The following CTSO variants were observed in gnomAD, a reference collection of about 807,000 sequenced individuals.
The protein encoded by CTSO is cathepsin O.
In CTSO, 40 loss-of-function variants were observed where a neutral mutation model predicts 42.4. The ratio of observed to expected loss-of-function variants is 0.94; its 90% CI spans 0.73 to 1.23. The LOEUF (loss-of-function observed/expected upper bound fraction) is 1.23, where lower values mean the gene tolerates loss of function less well. Among genes scored for constraint, CTSO ranks in the 50% most tolerant of loss-of-function variants. The pLI is 0.00. For missense variants in CTSO, 441 were observed against 396.0 expected, an observed-to-expected ratio of 1.11 and a Z score of -0.96; for synonymous variants, 156 against 146.2, an observed-to-expected ratio of 1.07 and a Z score of -0.48.
intron 1 of CTSO, among the ~76,000 whole-genome samples, chr4:155,947,761 T>C (rs1280620719): frequency 2.0e-5 from 3 of 152,186 alleles, no homozygotes; most frequent in Non-Finnish European, 4.4e-5. Context: ...TGCTGCTCAT[T>C]ACATCCAACA....
chr4:155,942,418 A>G lies in CTSO; in HGVS notation c.283T>C (p.Tyr95His). Residue 95 changes from tyrosine (Y) to histidine (H), a missense_variant, in exon 3 of 8, where the codon TAC becomes CAC. Tyr to His is a moderately conservative substitution (Grantham distance 83). Transcript: ENST00000433477. ...LRSKPSKFPR[Y>H]SAEVHMSIPN... ...ATGGACATATGTACTTCTGCTGAGT[A>G]TCTGGGAAACTTGGAAGGTTTGCTT... 6.4e-7 allele frequency: 1 copy of G among 1,568,662 alleles called. No homozygotes were observed. The highest frequency in any genetic ancestry group is 8.6e-7 in the Non-Finnish European group (1 of 1,158,790).
intron 7 of CTSO, among the ~76,000 whole-genome samples, chr4:155,926,877 C>A (rs765528162): frequency 6.6e-5 from 10 of 152,148 alleles, no homozygotes; most frequent in Non-Finnish European, 1.3e-4. Context: ...GTTATTTTAA[C>A]ACTCCTGTAA....
intron 4 of CTSO, among the ~76,000 whole-genome samples, chr4:155,938,503 C>A (rs75372172): frequency 6.6e-6 from 1 of 152,110 alleles, no homozygotes; most frequent in African/African-American, 2.4e-5. Context: ...GTGCTAAGAA[C>A]GCTGAGGGAC....
At chr4:155,926,990 T>C (rs1324574300) in intron 7 of CTSO, among the ~76,000 whole-genome samples, 1 of 152,208 alleles carries the variant, frequency 6.6e-6, no homozygotes, top group Non-Finnish European at 1.5e-5. Context: ...TTAGCATCAG[T>C]CATTTATCTG....
chr4:155,951,814 G>A (rs1365615530), intron 1 of CTSO, among the ~76,000 whole-genome samples: 2 of 152,030 alleles, frequency 1.3e-5, no homozygotes, highest in Non-Finnish European at 2.9e-5. Context: ...TCCCAAGTCC[G>A]AACAGCAATC....
intron 3 of CTSO, among the ~76,000 whole-genome samples, chr4:155,940,654 C>A (rs1214678166): frequency 6.6e-6 from 1 of 152,158 alleles, no homozygotes; most frequent in South Asian, 2.1e-4. Context: ...ACCAGCCTGA[C>A]CAACATGGTG....
At position 155,928,420 on chromosome 4, in the gene CTSO, G is replaced by C; in HGVS notation, c.847C>G (p.Pro283Ala). The part of the protein sequence containing the change: ...ITGFDKTGST[P>A]YWIVRNSWGS... ...CAGGAATTCCGCACAATCCAATATG[G>C]AGTGCTTCCTACAGTGAAACATAAA... is the stretch of plus-strand genomic sequence containing the variant. The change falls in exon 7 of 8, where the codon CCA becomes GCA. Residue 283 changes from proline (P) to alanine (A), a missense_variant. By Grantham distance (27) the Pro-to-Ala change is conservative. Transcript: ENST00000433477. 6.2e-6 allele frequency: 10 copies of C among 1,607,958 alleles called. No individual in the cohort carries two copies. Among genetic ancestry groups the C allele is most frequent in the Non-Finnish European group, 8.5e-6 (10 of 1,176,312 alleles).
Position 155,939,511 on chromosome 4 carries a change from C to G in CTSO, c.412G>C (p.Val138Leu). 1 of 1,613,948 alleles carries G rather than the reference C, an allele frequency of 6.2e-7. No homozygotes were observed. Among genetic ancestry groups the G allele is most frequent in the Non-Finnish European group, 8.5e-7 (1 of 1,179,894 alleles). Residue 138 changes from valine to leucine, a missense_variant, in exon 4 of 8, where the codon GTG becomes CTG. By Grantham distance (32) the Val-to-Leu change is conservative. Transcript: ENST00000433477. ...MCGGCWAFSV[V>L]GAVESAYAIK... ...GCATAAGCAGATTCCACTGCCCCCA[C>G]CACGCTGAAGGCCCAGCATCCTCCA...
At chr4:155,952,367 TA>T (rs1288277538) in intron 1 of CTSO, among the ~76,000 whole-genome samples, 1 of 152,114 alleles carries the variant, frequency 6.6e-6, no homozygotes, top group African/African-American at 2.4e-5. Context: ...AAATAAATGT[TA>T]AAAATATATT....
intron 5 of CTSO, among the ~76,000 whole-genome samples, chr4:155,936,926 G>C (rs976506803): frequency 6.6e-6 from 1 of 152,118 alleles, no homozygotes. Flanking sequence ...CTGATATGTA[G>C]CCTACGTGAT....
intron 1 of CTSO, among the ~76,000 whole-genome samples, chr4:155,951,381 T>C (rs778940787): frequency 1.5e-4 from 23 of 152,178 alleles, no homozygotes; most frequent in Non-Finnish European, 3.1e-4. Flanking sequence ...GTTAAGAGCT[T>C]CCTGAGCACT....
intron 1 of CTSO, among the ~76,000 whole-genome samples, chr4:155,944,695 G>A (rs892358256): frequency 1.3e-5 from 2 of 152,064 alleles, no homozygotes; most frequent in South Asian, 2.1e-4. Flanking sequence ...CAGTTCTTAC[G>A]GGCTGCACCT....
chr4:155,934,903 G>T (rs951598175), intron 5 of CTSO, among the ~76,000 whole-genome samples: 2 of 152,150 alleles, frequency 1.3e-5, no homozygotes, highest in Non-Finnish European at 2.9e-5. Context: ...AATGAGTTAA[G>T]ACTTTGGGGG....
At chr4:155,934,423 T>A (rs746610311) in intron 5 of CTSO, among the ~76,000 whole-genome samples, 7 of 151,620 alleles carry the variant, frequency 4.6e-5, no homozygotes, top group Non-Finnish European at 1.0e-4. Flanking sequence ...CCACACAGAG[T>A]CCCACAGGAG....
Position 155,951,849 on chromosome 4 carries a change from C to T in CTSO, c.135+1864G>A, listed in dbSNP as rs926500916. 8.5e-5 allele frequency among the ~76,000 whole-genome samples: 13 copies of T among 152,274 alleles called. No individual in the cohort carries two copies. The East Asian group carries it at 1.2e-3, about 14-fold the overall frequency. ...CTCCAGCTAACTAATCTAACTAATT[C>T]CTGATGATCTTAGATGAAAGACTTT... On this transcript the variant is annotated intron_variant, in intron 1 of 7. Coordinates refer to ENST00000433477, the MANE Select transcript of CTSO (RefSeq NM_001334.3).
chr4:155,940,679 C>G (rs571587749), intron 3 of CTSO, among the ~76,000 whole-genome samples: 1 of 152,082 alleles, frequency 6.6e-6, no homozygotes, highest in East Asian at 1.9e-4. Context: ...CCCGTTTCTA[C>G]TAAAAATACA....
intron 5 of CTSO, 45 bp downstream of exon 5, chr4:155,937,317 A>C (rs199833785): frequency 2.7e-6 from 4 of 1,488,920 alleles, no homozygotes; most frequent in Non-Finnish European, 2.8e-6. Context: ...ATAGATCATA[A>C]ATTAAAAATG....
chr4:155,927,719 G>T (rs1363466750), intron 7 of CTSO, among the ~76,000 whole-genome samples: 1 of 151,966 alleles, frequency 6.6e-6, no homozygotes, highest in Non-Finnish European at 1.5e-5. Context: ...AGCTTGCAGT[G>T]AGCCGAGATC....
chr4:155,951,110 T>C (rs148173201), intron 1 of CTSO, among the ~76,000 whole-genome samples: 75 of 152,232 alleles, frequency 4.9e-4, no homozygotes, highest in African/African-American at 1.6e-3. Flanking sequence ...ATATAAATAA[T>C]CTTATAATAA....
Sources: gnomAD v4.1 joint callset for allele counts (sites outside exome capture counted in the v4.1 genomes callset) on GRCh38, gnomAD v4.1.1 for gene constraint, MANE v1.5 for transcripts, NCBI Gene and HGNC (gene_info 2026-07-23, HGNC 2026-07-21) for gene names.